The following CFTR variants were observed in gnomAD, a reference collection of about 807,000 sequenced individuals.
CFTR encodes CF transmembrane conductance regulator.
A neutral mutation model predicts 171.6 loss-of-function variants in CFTR; 181 were observed. The observed-to-expected ratio is 1.05, with a 90% CI of 0.93 to 1.19. The LOEUF (loss-of-function observed/expected upper bound fraction) is 1.19. Among genes scored for constraint, CFTR ranks in the 50% most tolerant of loss-of-function variants. The pLI is 0.00. For synonymous variants in CFTR, 583 were observed against 608.0 expected (o/e 0.96, Z 0.60); for missense variants, 1,968 against 1,734.7 (o/e 1.13, Z -2.39).
At chr7:117,539,727 A>G in intron 7 of CFTR, among the ~76,000 whole-genome samples, 1 of 151,930 alleles carries the variant, frequency 6.6e-6, no homozygotes, top group East Asian at 1.9e-4. Context: ...ACCAACCAAC[A>G]AGCAAAAAAT....
chr7:117,540,049 A>G (rs1457253291), intron 7 of CFTR, 51 bp from the exon 8 acceptor site: 6 of 1,488,434 alleles, frequency 4.0e-6, no homozygotes, highest in Non-Finnish European at 4.6e-6. Context: ...GATCCCTGAT[A>G]TTTGAAAAAT....
intron 3 of CFTR, among the ~76,000 whole-genome samples, chr7:117,522,234 T>C (rs1798696085): frequency 6.6e-6 from 1 of 152,216 alleles, no homozygotes; most frequent in African/African-American, 2.4e-5. Flanking sequence ...CATGGCAGGA[T>C]GAGGGCTAGG....
At chr7:117,497,475 A>AT (rs1410506094) in intron 1 of CFTR, among the ~76,000 whole-genome samples, 1 of 152,206 alleles carries the variant, frequency 6.6e-6, no homozygotes, top group Non-Finnish European at 1.5e-5. Context: ...AATAGTGGTC[A>AT]TGGTAGTTAT....
intron 24 of CFTR, among the ~76,000 whole-genome samples, chr7:117,663,882 C>G (rs145332820): frequency 1.6e-3 from 248 of 152,168 alleles, no homozygotes; most frequent in African/African-American, 5.8e-3. Context: ...ACTTCAATAA[C>G]TTTGTCATAT....
chr7:117,624,774 T>C (rs1377998814), intron 21 of CFTR, among the ~76,000 whole-genome samples: 1 of 152,204 alleles, frequency 6.6e-6, no homozygotes, highest in Non-Finnish European at 1.5e-5. Flanking sequence ...ATAGACACTA[T>C]GTTTTGAGTC....
chr7:117,516,281 A>G (rs1482851387), intron 3 of CFTR, among the ~76,000 whole-genome samples: 4 of 152,128 alleles, frequency 2.6e-5, no homozygotes, highest in African/African-American at 2.4e-5. Flanking sequence ...CACTGATAAC[A>G]TAACTTATTT....
chr7:117,577,003 A>G (rs1480437170), intron 11 of CFTR, among the ~76,000 whole-genome samples: 1 of 152,150 alleles, frequency 6.6e-6, no homozygotes, highest in East Asian at 1.9e-4. Flanking sequence ...AGATATGTGA[A>G]CAGATAAGAA....
chr7:117,539,574 A>G (rs1584788931), intron 7 of CFTR, among the ~76,000 whole-genome samples: 1 of 152,110 alleles, frequency 6.6e-6, no homozygotes, highest in Non-Finnish European at 1.5e-5. Context: ...TCTGTAGCTT[A>G]TATGTTATTT....
At chr7:117,499,271 T>C (rs1182425668) in intron 1 of CFTR, among the ~76,000 whole-genome samples, 44 of 152,100 alleles carry the variant, frequency 2.9e-4, no homozygotes, top group Non-Finnish European at 2.9e-5. Context: ...AAAATGAGTA[T>C]AAGCTTTAAT....
At chr7:117,521,462 T>A (rs1219866800) in intron 3 of CFTR, among the ~76,000 whole-genome samples, 1 of 152,096 alleles carries the variant, frequency 6.6e-6, no homozygotes, top group African/African-American at 2.4e-5. Flanking sequence ...TAATAATGTA[T>A]CTTTATATTC....
In CFTR at chr7:117,631,262, A is replaced by G. The variant is rs1001268424; in HGVS notation, c.3717+3492A>G. Among the ~76,000 whole-genome samples, 3 of 152,168 alleles carry G rather than the reference A, an allele frequency of 2.0e-5. No individual in the cohort carries two copies. Among genetic ancestry groups the G allele is most frequent in the Non-Finnish European group, 2.9e-5 (2 of 68,032 alleles). On this transcript the variant is annotated intron_variant, in intron 22 of 26. Coordinates refer to ENST00000003084, the MANE Select transcript of CFTR (RefSeq NM_000492.4). ...TAAAACCCTTGGAATTTCCTAAGTG[A>G]TAAGAGCTACAGGAGCATCTTTTGT...
In CFTR at chr7:117,620,701, G is replaced by C. The variant is rs375191913; in HGVS notation, c.3468+5988G>C. ...GGTTGAAAAGTTTAGAAAATTCACTGGTCTTTGTGCCCATCATTTTACTTC... is the reference window on the plus strand; with the variant it reads ...GGTTGAAAAGTTTAGAAAATTCACTCGTCTTTGTGCCCATCATTTTACTTC... On this transcript the variant is annotated intron_variant, in intron 21 of 26. Coordinates refer to ENST00000003084, the MANE Select transcript of CFTR (RefSeq NM_000492.4). Among the ~76,000 whole-genome samples, 9 of 152,238 alleles carry C rather than the reference G, an allele frequency of 5.9e-5. No individual in the cohort carries two copies. In the East Asian group the frequency reaches 1.7e-3, roughly 29 times the overall value.
At chr7:117,650,691 T>C (rs375685461) in intron 23 of CFTR, among the ~76,000 whole-genome samples, 2 of 152,248 alleles carry the variant, frequency 1.3e-5, no homozygotes, top group East Asian at 3.9e-4. Flanking sequence ...CTGTAGCCCA[T>C]ATGAAATGCT....
chr7:117,572,336 G>C (rs1791704490), intron 11 of CFTR, among the ~76,000 whole-genome samples: 1 of 151,988 alleles, frequency 6.6e-6, no homozygotes, highest in South Asian at 2.1e-4. Context: ...AAGATTCTTA[G>C]TTCTCATGCT....
At position 117,595,409 on chromosome 7, in the gene CFTR, C is replaced by T. The variant is rs553590434; in HGVS notation, c.2619+351C>T. The stretch of plus-strand genomic sequence containing the variant: ...TTTTAATAATAAAGGTTAAGAGATT[C>T]GAAAGCTCAAAGTAGAAGGCTTTTA... On this transcript the variant is annotated intron_variant, in intron 15 of 26. Transcript: ENST00000003084. 8.0e-5 allele frequency among the ~76,000 whole-genome samples: 12 copies of T among 149,706 alleles called. No homozygotes were observed. The East Asian group carries it at 1.6e-3, about 19-fold the overall frequency.
intron 20 of CFTR, among the ~76,000 whole-genome samples, chr7:117,612,276 G>A (rs1032107590): frequency 6.3e-5 from 9 of 142,454 alleles, no homozygotes; most frequent in African/African-American, 8.1e-5. Flanking sequence ...TCCTCTTGTC[G>A]GTAAGTTTTG....
At chr7:117,481,650 A>G (rs578113691) in intron 1 of CFTR, among the ~76,000 whole-genome samples, 9 of 152,332 alleles carry the variant, frequency 5.9e-5, no homozygotes, top group African/African-American at 1.9e-4. Context: ...GTTCTCCAAA[A>G]TATTTCATAA....
intron 1 of CFTR, among the ~76,000 whole-genome samples, chr7:117,487,075 GAGA>G (rs1466721258): frequency 6.6e-6 from 1 of 152,198 alleles, no homozygotes; most frequent in Middle Eastern, 3.4e-3. Flanking sequence ...AATTTAATCG[GAGA>G]AGAAGGCATG....
chr7:117,497,034 T>G (rs1209011744), intron 1 of CFTR, among the ~76,000 whole-genome samples: 1 of 152,202 alleles, frequency 6.6e-6, no homozygotes, highest in Non-Finnish European at 1.5e-5. Context: ...TTATTGCTGT[T>G]TGTGCTTCTG....
Sources: gnomAD v4.1 joint callset for allele counts (sites outside exome capture counted in the v4.1 genomes callset) on GRCh38, gnomAD v4.1.1 for gene constraint, MANE v1.5 for transcripts, NCBI Gene and HGNC (gene_info 2026-07-23, HGNC 2026-07-21) for gene names.